Variants in PODXL observed in about 807,000 individuals in gnomAD.
PODXL encodes podocalyxin like, also known as podocalyxin.
A neutral mutation model predicts 48.9 loss-of-function variants in PODXL; 20 were observed. The ratio of observed to expected loss-of-function variants is 0.41; its 90% CI spans 0.29 to 0.59. PODXL has a LOEUF of 0.59. Ranked by LOEUF, PODXL falls within the 20% of genes least tolerant of loss-of-function variation. PODXL has a pLI of 0.31. For synonymous variants in PODXL, 295 were observed against 287.4 expected, an observed-to-expected ratio of 1.03 and a Z score of -0.27; for missense variants, 606 against 675.1, an observed-to-expected ratio of 0.90 and a Z score of 1.13.
At chr7:131,542,476 C>T (rs1393996311) in intron 1 of PODXL, among the ~76,000 whole-genome samples, 1 of 152,234 alleles carries the variant, frequency 6.6e-6, no homozygotes, top group African/African-American at 2.4e-5. Context: ...GGCAATATAA[C>T]GACACCTCAC....
At chr7:131,542,909 T>G (rs570968188) in intron 1 of PODXL, among the ~76,000 whole-genome samples, 1 of 152,204 alleles carries the variant, frequency 6.6e-6, no homozygotes, top group East Asian at 1.9e-4. Flanking sequence ...TGTTTTCCCT[T>G]ACAGCCTGGT....
rs745440866 is a variant in PODXL at position 131,508,942 on chromosome 7, G to A, written c.1101+9C>T. ...TGCACCTGGCGGCTCAGATCAGCAAGCTACTCACACAGAGGGTGTTTCCTG... is the reference window on the plus strand; with the variant it reads ...TGCACCTGGCGGCTCAGATCAGCAAACTACTCACACAGAGGGTGTTTCCTG... On this transcript the variant is annotated intron_variant, in intron 5 of 8. Coordinates refer to ENST00000378555, the MANE Select transcript of PODXL (RefSeq NM_001018111.3). 3.1e-6 allele frequency: 5 copies of A among 1,604,956 alleles called. No individual in the cohort carries two copies. The highest frequency in any genetic ancestry group is 2.2e-5 in the East Asian group (1 of 44,830).
intron 1 of PODXL, among the ~76,000 whole-genome samples, chr7:131,538,225 C>T (rs1798416278): frequency 6.6e-6 from 1 of 152,176 alleles, no homozygotes; most frequent in Non-Finnish European, 1.5e-5. Context: ...CAGGCTGTTT[C>T]TGTATGGGCT....
chr7:131,516,967 A>C (rs1017763469), intron 1 of PODXL, among the ~76,000 whole-genome samples: 1 of 151,716 alleles, frequency 6.6e-6, no homozygotes, highest in Non-Finnish European at 1.5e-5. Flanking sequence ...TGATCCTTCT[A>C]CCTCAGCCTC....
At chr7:131,508,919 C>T (rs752513403) in intron 5 of PODXL, 32 bp downstream of exon 5, 5 of 1,493,874 alleles carry the variant, frequency 3.3e-6, no homozygotes, top group South Asian at 2.3e-5. Flanking sequence ...TGTGAGCCTG[C>T]ACCTGGCGGC....
chr7:131,555,775 G>T (rs1441295094), intron 1 of PODXL, among the ~76,000 whole-genome samples: 1 of 152,212 alleles, frequency 6.6e-6, no homozygotes, highest in African/African-American at 2.4e-5. Flanking sequence ...CATCGCCCGC[G>T]TGGGCCGTGG....
At chr7:131,512,893 G>C (rs1797937156) in intron 1 of PODXL, among the ~76,000 whole-genome samples, 1 of 151,690 alleles carries the variant, frequency 6.6e-6, no homozygotes, top group Non-Finnish European at 1.5e-5. Context: ...TACTTGGGAG[G>C]CTGAGGCAGG....
At chr7:131,542,798 C>G (rs1257568433) in intron 1 of PODXL, among the ~76,000 whole-genome samples, 1 of 152,178 alleles carries the variant, frequency 6.6e-6, no homozygotes, top group African/African-American at 2.4e-5. Context: ...CAGTTAGAGC[C>G]TCCCTCCCTC....
At chr7:131,532,734 G>A (rs1293572315) in intron 1 of PODXL, among the ~76,000 whole-genome samples, 2 of 152,154 alleles carry the variant, frequency 1.3e-5, no homozygotes, top group African/African-American at 2.4e-5. Flanking sequence ...AACCCCCAGC[G>A]TGAAGGTCTT....
intron 1 of PODXL, among the ~76,000 whole-genome samples, chr7:131,535,060 AAAAAG>A (rs1403712188): frequency 6.6e-6 from 1 of 152,196 alleles, no homozygotes; most frequent in East Asian, 1.9e-4. Context: ...TCAAAAAAGA[AAAAAG>A]AAAAGAAAAA....
At chr7:131,518,923 T>C (rs1052649138) in intron 1 of PODXL, among the ~76,000 whole-genome samples, 1 of 152,172 alleles carries the variant, frequency 6.6e-6, no homozygotes, top group Admixed American at 6.5e-5. Flanking sequence ...AGCCTTTCTC[T>C]AGACGCAGGC....
At chr7:131,541,725 T>C (rs1354543085) in intron 1 of PODXL, among the ~76,000 whole-genome samples, 1 of 151,018 alleles carries the variant, frequency 6.6e-6, no homozygotes, top group Non-Finnish European at 1.5e-5. Context: ...CATTAAACAA[T>C]TGAGGACTGG....
intron 1 of PODXL, among the ~76,000 whole-genome samples, chr7:131,529,279 C>T (rs1018201485): frequency 3.0e-4 from 45 of 152,052 alleles, no homozygotes; most frequent in Non-Finnish European, 4.6e-4. Context: ...GATGTTGAAG[C>T]CTGTGTTGAA....
Position 131,504,234 on chromosome 7 carries a change from C to T in PODXL, c.*77G>A. On this transcript the variant is annotated 3_prime_UTR_variant, in exon 9 of 9. Coordinates refer to ENST00000378555, the MANE Select transcript of PODXL (RefSeq NM_001018111.3). ...GTTCACTCTCCCTCCCCAGTCTTTC[C>T]CTTCCCCATCCAAACGGCACTTGGG... The T allele has an allele frequency of 8.0e-7, 1 of 1,243,744 alleles. No individual in the cohort carries two copies. Among genetic ancestry groups the T allele is most frequent in the Non-Finnish European group, 1.2e-6 (1 of 862,576 alleles). 77.0% of individuals were successfully genotyped at this position (1,243,744 alleles called of 1,614,324 possible). A position where few individuals can be genotyped will look rare whatever the true frequency, so the allele number is the denominator to read the frequency against.
intron 1 of PODXL, among the ~76,000 whole-genome samples, chr7:131,544,217 T>C (rs1798526849): frequency 6.6e-6 from 1 of 152,208 alleles, no homozygotes; most frequent in East Asian, 1.9e-4. Context: ...TGTGTACATG[T>C]GGCGCACCCA....
rs537409747 is a variant in PODXL, at chr7:131,556,435, G to T, written c.-76C>A. The T allele has an allele frequency of 3.3e-5, 43 of 1,299,962 alleles. No homozygotes were observed. The South Asian group carries it at 8.3e-4, about 25-fold the overall frequency. The allele number at this position is 1,299,962 out of a possible 1,614,324, so 80.5% of individuals were successfully genotyped here. ...ATCCGCGCGTCCGGGCGGTAGGAGC[G>T]TGGGCGCCGCCCGGGGAGGCCTGTG... On this transcript the variant is annotated 5_prime_UTR_variant, in exon 1 of 9. Transcript: ENST00000378555.
intron 1 of PODXL, among the ~76,000 whole-genome samples, chr7:131,530,407 G>GCTC (rs1278981646): frequency 1.3e-5 from 2 of 152,056 alleles, no homozygotes; most frequent in African/African-American, 4.8e-5. Context: ...AGGACGTGAT[G>GCTC]CTCCCCATGT....
intron 3 of PODXL, 74 bp downstream of exon 3, chr7:131,510,162 G>C (rs1382364829): frequency 2.3e-6 from 1 of 435,174 alleles, no homozygotes; most frequent in East Asian, 7.6e-5. Flanking sequence ...GATTTACTAG[G>C]TTAAGACAAG....
At chr7:131,524,888 T>A (rs1174716255) in intron 1 of PODXL, among the ~76,000 whole-genome samples, 2 of 152,152 alleles carry the variant, frequency 1.3e-5, no homozygotes, top group Non-Finnish European at 2.9e-5. Flanking sequence ...TATAGCCATA[T>A]AATGACTACT....
Sources: gnomAD v4.1 joint callset for allele counts (sites outside exome capture counted in the v4.1 genomes callset) on GRCh38, gnomAD v4.1.1 for gene constraint, MANE v1.5 for transcripts, NCBI Gene and HGNC (gene_info 2026-07-23, HGNC 2026-07-21) for gene names.